The following FNDC3B variants were observed in gnomAD, a reference collection of about 807,000 sequenced individuals.
FNDC3B encodes fibronectin type III domain containing 3B.
In FNDC3B, 12 loss-of-function variants were observed where a neutral mutation model predicts 151.5. The observed-to-expected ratio is 0.08, with a 90% CI of 0.05 to 0.13. FNDC3B has a LOEUF of 0.13. Ranked by LOEUF, FNDC3B falls within the 10% of genes least tolerant of loss-of-function variation. The pLI is 1.00. For synonymous variants in FNDC3B, 528 were observed against 549.0 expected, an observed-to-expected ratio of 0.96 and a Z score of 0.54; for missense variants, 1,214 against 1,505.3, an observed-to-expected ratio of 0.81 and a Z score of 3.20.
intron 15 of FNDC3B, chr3:172,335,655 T>A (rs2108296418): frequency 6.6e-6 from 1 of 152,330 alleles, no homozygotes; most frequent in South Asian, 2.1e-4. Context: ...CATAAGGAGT[T>A]TGAGGTTGTC....
intron 7 of FNDC3B, among the ~76,000 whole-genome samples, chr3:172,291,924 G>A (rs1418626126): frequency 6.6e-6 from 1 of 152,146 alleles, no homozygotes; most frequent in Admixed American, 6.5e-5. Flanking sequence ...CATGAACCTA[G>A]ATAGAGTTCC....
chr3:172,192,246 C>T (rs1482494412), intron 3 of FNDC3B, among the ~76,000 whole-genome samples: 1 of 148,518 alleles, frequency 6.7e-6, no homozygotes, highest in Non-Finnish European at 1.5e-5. Flanking sequence ...GATCTTGGCT[C>T]ACTGCAACCT....
chr3:172,217,991 C>T (rs745638616), intron 3 of FNDC3B, among the ~76,000 whole-genome samples: 2 of 152,028 alleles, frequency 1.3e-5, no homozygotes, highest in Non-Finnish European at 1.5e-5. Flanking sequence ...TAGTGATATA[C>T]GTTAAGATTT....
chr3:172,269,434 AATT>A (rs1413254676), intron 6 of FNDC3B, among the ~76,000 whole-genome samples: 27 of 148,332 alleles, frequency 1.8e-4, no homozygotes, highest in African/African-American at 3.0e-4. Flanking sequence ...AATTAAAAAA[AATT>A]TTTTTTTTTT....
intron 3 of FNDC3B, among the ~76,000 whole-genome samples, chr3:172,217,406 T>A (rs1266911212): frequency 6.6e-6 from 1 of 152,200 alleles, no homozygotes; most frequent in African/African-American, 2.4e-5. Context: ...CACTGAATTT[T>A]GAATATTCTT....
At chr3:172,319,416 G>C (rs1731973545) in intron 11 of FNDC3B, among the ~76,000 whole-genome samples, 1 of 152,130 alleles carries the variant, frequency 6.6e-6, no homozygotes, top group Non-Finnish European at 1.5e-5. Context: ...AATTTTCTTT[G>C]TGTGTTTGTT....
Position 172,378,297 on chromosome 3 carries a change from C to A in FNDC3B, c.3036C>A (p.Ser1012Arg). 6.2e-7 allele frequency: 1 copy of A among 1,609,514 alleles called. No homozygotes were observed. The highest frequency in any genetic ancestry group is 8.5e-7 in the Non-Finnish European group (1 of 1,178,546). Residue 1012 changes from serine (S) to arginine (R), a missense_variant, in exon 24 of 26, where the codon AGC (serine) becomes AGA (arginine). By Grantham distance (110) the Ser-to-Arg change is moderately radical (BLOSUM62 -1). Coordinates refer to ENST00000415807, the MANE Select transcript of FNDC3B (RefSeq NM_022763.4). ...TTATTTCAATCTACAGAGGACCCAGCCACACCTACAAGGTCCAGAGACTGA... is the reference window on the plus strand; with the variant it reads ...TTATTTCAATCTACAGAGGACCCAGACACACCTACAAGGTCCAGAGACTGA... Reference protein sequence around the residue: ...KRFISIYRGPSHTYKVQRLTE... With the variant: ...KRFISIYRGPRHTYKVQRLTE...
chr3:172,160,232 CTTTGCCTGGAA>C (rs1399942259), intron 3 of FNDC3B, among the ~76,000 whole-genome samples: 1 of 152,234 alleles, frequency 6.6e-6, no homozygotes, highest in East Asian at 1.9e-4. Flanking sequence ...GTTCATAGAC[CTTTGCCTGGAA>C]TTAGACTGAA....
At chr3:172,181,778 G>A (rs1197151159) in intron 3 of FNDC3B, among the ~76,000 whole-genome samples, 5 of 133,986 alleles carry the variant, frequency 3.7e-5, no homozygotes, top group East Asian at 2.2e-4. Context: ...GCAGTGAGCC[G>A]AGATCACGCC....
At chr3:172,235,344 A>G (rs1414364889) in intron 4 of FNDC3B, among the ~76,000 whole-genome samples, 1 of 152,192 alleles carries the variant, frequency 6.6e-6, no homozygotes, top group African/African-American at 2.4e-5. Flanking sequence ...ACAAAATTTC[A>G]GTTGGATGTT....
chr3:172,168,719 C>CTTTT (rs775314296), intron 3 of FNDC3B, among the ~76,000 whole-genome samples: 32,841 of 132,576 alleles, frequency 0.25, 4,493 homozygotes, highest in African/African-American at 0.3. Context: ...TTTTCTTTTA[C>CTTTT]TTTTTTTTTT....
rs1305955762 is a variant in FNDC3B at position 172,398,913 on chromosome 3, T to A, written c.*1438T>A. On this transcript the variant is annotated 3_prime_UTR_variant, in exon 26 of 26. Coordinates refer to ENST00000415807, the MANE Select transcript of FNDC3B (RefSeq NM_022763.4). ...CATTGGATTATTTATATGAAGTCCATAATGTTCGAGTACCTCAGGGACATT... is the reference window on the plus strand; with the variant it reads ...CATTGGATTATTTATATGAAGTCCAAAATGTTCGAGTACCTCAGGGACATT... 6.6e-6 allele frequency: 1 copy of A among 152,656 alleles called. No individual in the cohort carries two copies. The highest frequency in any genetic ancestry group is 1.5e-5 in the Non-Finnish European group (1 of 68,048). The allele number at this position is 152,656 out of a possible 1,614,324, so 9.5% of individuals were successfully genotyped here. A position where few individuals can be genotyped will look rare whatever the true frequency, so the allele number is the denominator to read the frequency against.
chr3:172,340,614 G>A (rs1056993663), intron 16 of FNDC3B, among the ~76,000 whole-genome samples: 2 of 152,140 alleles, frequency 1.3e-5, no homozygotes, highest in African/African-American at 4.8e-5. Context: ...CTCCATGAAG[G>A]CAGTCAAAAG....
intron 3 of FNDC3B, among the ~76,000 whole-genome samples, chr3:172,171,431 G>T (rs1723276383): frequency 6.6e-6 from 1 of 152,028 alleles, no homozygotes; most frequent in South Asian, 2.1e-4. Context: ...TCGATGCCCA[G>T]TATTTTTTTC....
intron 2 of FNDC3B, among the ~76,000 whole-genome samples, chr3:172,116,195 T>TA (rs1214868988): frequency 1.3e-5 from 2 of 152,224 alleles, no homozygotes; most frequent in Non-Finnish European, 2.9e-5. Flanking sequence ...CATTATCAAC[T>TA]AAAAATAAAT....
intron 6 of FNDC3B, among the ~76,000 whole-genome samples, chr3:172,265,575 A>G (rs924369754): frequency 7.9e-5 from 12 of 152,190 alleles, no homozygotes; most frequent in Admixed American, 7.2e-4. Flanking sequence ...TTCAACATTG[A>G]AAATAAACCA....
At chr3:172,317,589 G>A (rs535909236) in intron 11 of FNDC3B, among the ~76,000 whole-genome samples, 2 of 152,140 alleles carry the variant, frequency 1.3e-5, no homozygotes, top group Non-Finnish European at 2.9e-5. Context: ...CCTTAGCCTC[G>A]GCCTTTCCAC....
Position 172,347,355 on chromosome 3 carries a change from A to G in FNDC3B, c.2508A>G (p.Arg836=). 7 of 1,612,038 alleles carry G rather than the reference A, an allele frequency of 4.3e-6. No individual in the cohort carries two copies. The highest frequency in any genetic ancestry group is 5.9e-6 in the Non-Finnish European group (7 of 1,178,978). Residue 836 remains arginine (R), a synonymous_variant, in exon 21 of 26, where the codon AGA becomes AGG. Coordinates refer to ENST00000415807, the MANE Select transcript of FNDC3B (RefSeq NM_022763.4). ...DLLPAAQYCC[R]LQAFNQAGAG... ...TGCCTGCTGCACAGTATTGCTGTAG[A>G]CTACAGGTAGGTTGACATTATTCAG...
chr3:172,285,922 G>A lies in FNDC3B; in HGVS notation c.791-4G>A. 1 of 1,611,774 alleles carries A rather than the reference G, an allele frequency of 6.2e-7. No homozygotes were observed. Among genetic ancestry groups the A allele is most frequent in the Non-Finnish European group, 8.5e-7 (1 of 1,178,678 alleles). On this transcript the variant is annotated splice_region_variant and splice_polypyrimidine_tract_variant and intron_variant, in intron 6 of 25. Transcript: ENST00000415807. The stretch of plus-strand genomic sequence containing the variant: ...TTTTTCCTTTTTTCTTTTTCGCAAT[G>A]CAGAATATGAGTTGGAAGTAAAGAG...
Sources: allele counts gnomAD v4.1 joint callset (sites outside exome capture counted in the v4.1 genomes callset), GRCh38; gene constraint gnomAD v4.1.1; transcripts MANE v1.5; gene names NCBI Gene and HGNC (gene_info 2026-07-23, HGNC 2026-07-21).